MAGI2: variants seen among roughly 807,000 people sequenced by gnomAD.
MAGI2 encodes the protein membrane associated guanylate kinase, WW and PDZ domain containing 2.
In MAGI2, 35 loss-of-function variants were observed where a neutral mutation model predicts 133.3. The ratio of observed to expected loss-of-function variants is 0.26; its 90% CI spans 0.20 to 0.35. The LOEUF is 0.35. Among genes scored for constraint, MAGI2 ranks in the 10% least tolerant of loss-of-function variants. The pLI is 1.00. For missense variants in MAGI2, 1,636 were observed against 1,863.4 expected, an observed-to-expected ratio of 0.88 and a Z score of 2.25; for synonymous variants, 729 against 710.6, an observed-to-expected ratio of 1.03 and a Z score of -0.41.
intron 9 of MAGI2, among the ~76,000 whole-genome samples, chr7:78,332,224 A>G (rs1299327767): frequency 6.6e-6 from 1 of 152,252 alleles, no homozygotes; most frequent in African/African-American, 2.4e-5. Context: ...GAGAATAAAG[A>G]GGCACCACAA....
intron 2 of MAGI2, among the ~76,000 whole-genome samples, chr7:78,861,782 G>T (rs1475686076): frequency 6.6e-6 from 1 of 152,150 alleles, no homozygotes; most frequent in Admixed American, 6.5e-5. Context: ...AATTATTGTG[G>T]CTACCACGAT....
chr7:78,588,669 G>A (rs1274376635), intron 3 of MAGI2, among the ~76,000 whole-genome samples: 1 of 152,148 alleles, frequency 6.6e-6, no homozygotes, highest in Non-Finnish European at 1.5e-5. Context: ...AGCAATGTAG[G>A]TGTGCTGGCT....
intron 10 of MAGI2, among the ~76,000 whole-genome samples, chr7:78,236,855 C>T (rs768763091): frequency 2.0e-5 from 3 of 152,110 alleles, no homozygotes; most frequent in Non-Finnish European, 2.9e-5. Context: ...TTTCACATGG[C>T]TGGGGAGCTC....
chr7:79,250,638 C>T (rs1019172846), intron 1 of MAGI2, among the ~76,000 whole-genome samples: 8 of 151,918 alleles, frequency 5.3e-5, no homozygotes, highest in South Asian at 2.1e-4. Context: ...TTCATGTTCA[C>T]GGATTGGAAG....
At chr7:79,209,750 C>T (rs753590577) in intron 1 of MAGI2, among the ~76,000 whole-genome samples, 1 of 152,022 alleles carries the variant, frequency 6.6e-6, no homozygotes, top group African/African-American at 2.4e-5. Context: ...TAAGAAAGTA[C>T]ATTGTGCATA....
At chr7:78,674,169 G>C (rs73380227) in intron 2 of MAGI2, among the ~76,000 whole-genome samples, 1,659 of 151,742 alleles carry the variant, frequency 0.011, 34 homozygotes, top group African/African-American at 0.038. Flanking sequence ...CAGGAGAGAG[G>C]CTTTTTTTTG....
Position 78,711,362 on chromosome 7 carries a change from G to C in MAGI2, c.419-84123C>G, listed in dbSNP as rs535395079. 2.0e-5 allele frequency among the ~76,000 whole-genome samples: 3 copies of C among 152,266 alleles called. No homozygotes were observed. The East Asian group carries it at 5.8e-4, about 29-fold the overall frequency. ...ATGAGCAAGGAATGGAGGTTGCAGA[G>C]AGGAGGGATGTTATTACCTAGAAAG... On this transcript the variant is annotated intron_variant, in intron 2 of 21. Coordinates refer to ENST00000354212, the MANE Select transcript of MAGI2 (RefSeq NM_012301.4).
chr7:78,292,207 C>A (rs1796789584), intron 9 of MAGI2, among the ~76,000 whole-genome samples: 1 of 152,192 alleles, frequency 6.6e-6, no homozygotes, highest in Admixed American at 6.5e-5. Context: ...CCAAAACCTC[C>A]TTAAGCTGAT....
intron 3 of MAGI2, among the ~76,000 whole-genome samples, chr7:78,558,005 G>A (rs75920320): frequency 6.6e-6 from 1 of 151,298 alleles, no homozygotes; most frequent in African/African-American, 2.4e-5. Flanking sequence ...AGTTGATTGT[G>A]TATGTGACTA....
At chr7:79,417,385 G>A (rs4559162) in intron 1 of MAGI2, among the ~76,000 whole-genome samples, 37,759 of 151,964 alleles carry the variant, frequency 0.25, 6,736 homozygotes, top group African/African-American at 0.51. Context: ...TTAAGGCTCT[G>A]TTTACCAAGG....
intron 1 of MAGI2, among the ~76,000 whole-genome samples, chr7:79,388,857 A>C (rs947304063): frequency 2.7e-5 from 4 of 147,058 alleles, no homozygotes; most frequent in Admixed American, 6.9e-5. Flanking sequence ...AAAAAAAAAA[A>C]CACAGTCTTG....
intron 9 of MAGI2, among the ~76,000 whole-genome samples, chr7:78,266,750 T>C (rs746553884): frequency 6.6e-5 from 10 of 151,816 alleles, no homozygotes; most frequent in Non-Finnish European, 1.5e-4. Flanking sequence ...GCTAATTTTT[T>C]TGTATTTTTA....
chr7:79,446,521 A>G (rs1469566147), intron 1 of MAGI2, among the ~76,000 whole-genome samples: 1 of 152,186 alleles, frequency 6.6e-6, no homozygotes, highest in Middle Eastern at 3.2e-3. Flanking sequence ...ATAAAACCTC[A>G]TAAGGATTCA....
At chr7:78,038,778 A>G (rs1044912842) in intron 21 of MAGI2, among the ~76,000 whole-genome samples, 3 of 152,260 alleles carry the variant, frequency 2.0e-5, no homozygotes, top group African/African-American at 7.2e-5. Context: ...TGATAGTTGC[A>G]GGAAGAATGA....
chr7:78,930,870 T>A (rs777388329), intron 2 of MAGI2, among the ~76,000 whole-genome samples: 5 of 152,030 alleles, frequency 3.3e-5, no homozygotes, highest in Non-Finnish European at 5.9e-5. Context: ...AATAGTGGGG[T>A]TGAAGGTTTT....
chr7:78,766,704 C>A (rs1168977965), intron 2 of MAGI2, among the ~76,000 whole-genome samples: 2 of 152,200 alleles, frequency 1.3e-5, no homozygotes, highest in East Asian at 1.9e-4. Context: ...ATTAAGGACA[C>A]TTTTTATATC....
At chr7:79,340,996 A>G (rs1452277905) in intron 1 of MAGI2, among the ~76,000 whole-genome samples, 3 of 152,136 alleles carry the variant, frequency 2.0e-5, no homozygotes, top group African/African-American at 7.2e-5. Context: ...GCAAACACCT[A>G]TTATAAAAAT....
chr7:78,843,508 T>A (rs941650177), intron 2 of MAGI2, among the ~76,000 whole-genome samples: 1 of 151,924 alleles, frequency 6.6e-6, no homozygotes, highest in African/African-American at 2.4e-5. Context: ...GTATGAAATT[T>A]AGAAAACTAA....
chr7:78,063,571 T>C (rs926897011), intron 21 of MAGI2, among the ~76,000 whole-genome samples: 3 of 152,158 alleles, frequency 2.0e-5, no homozygotes, highest in East Asian at 1.9e-4. Flanking sequence ...GGCTCCTCTT[T>C]CATTTTGGCT....
Sources: allele counts gnomAD v4.1 joint callset (sites outside exome capture counted in the v4.1 genomes callset), GRCh38; gene constraint gnomAD v4.1.1; transcripts MANE v1.5; gene names NCBI Gene and HGNC (gene_info 2026-07-23, HGNC 2026-07-21).